PTGER3: variants seen among roughly 807,000 people sequenced by gnomAD.
PTGER3 encodes the protein prostaglandin E2 receptor EP3 subtype.
In PTGER3, 22 loss-of-function variants were observed where a neutral mutation model predicts 34.7. That is an observed-to-expected ratio of 0.63 (90% CI 0.45 to 0.91). The LOEUF (loss-of-function observed/expected upper bound fraction) is 0.91. PTGER3 is among the 40% of genes least tolerant of loss of function. The pLI is 0.00. For missense variants in PTGER3, 468 were observed against 519.4 expected, an observed-to-expected ratio of 0.90 and a Z score of 0.96; for synonymous variants, 241 against 230.1, an observed-to-expected ratio of 1.05 and a Z score of -0.43.
intron 1 of PTGER3, among the ~76,000 whole-genome samples, chr1:71,044,681 A>G (rs1660604684): frequency 6.6e-6 from 1 of 152,168 alleles, no homozygotes; most frequent in Admixed American, 6.5e-5. Flanking sequence ...TGAGGCCACC[A>G]TACTTTTGGT....
chr1:70,857,695 C>A (rs141685495), intron 4 of PTGER3, among the ~76,000 whole-genome samples: 370 of 152,110 alleles, frequency 2.4e-3, no homozygotes, highest in African/African-American at 5.4e-3. Context: ...CCACCACGCC[C>A]GGCTAATTTT....
chr1:70,966,285 A>G (rs1391876337), downstream of PTGER3, among the ~76,000 whole-genome samples: 2 of 152,178 alleles, frequency 1.3e-5, no homozygotes, highest in Non-Finnish European at 2.9e-5. Flanking sequence ...AAAACAAGTT[A>G]TTTCAGTGTA....
chr1:70,924,438 C>G (rs1157406636), intron 4 of PTGER3, among the ~76,000 whole-genome samples: 3 of 151,978 alleles, frequency 2.0e-5, no homozygotes, highest in Non-Finnish European at 4.4e-5. Context: ...TTAGGCTAAC[C>G]CTGCTTATTC....
At chr1:70,867,319 C>G (rs1646063936) in intron 4 of PTGER3, among the ~76,000 whole-genome samples, 1 of 152,194 alleles carries the variant, frequency 6.6e-6, no homozygotes, top group Admixed American at 6.5e-5. Flanking sequence ...ACTTATCACA[C>G]TATTCATATT....
intron 2 of PTGER3, among the ~76,000 whole-genome samples, chr1:71,004,476 C>A (rs1467185997): frequency 6.6e-6 from 1 of 152,156 alleles, no homozygotes; most frequent in Non-Finnish European, 1.5e-5. Context: ...TGATAAAAAT[C>A]ATCTTTCAGA....
chr1:71,034,768 G>T (rs556861210), intron 1 of PTGER3, among the ~76,000 whole-genome samples: 7 of 152,280 alleles, frequency 4.6e-5, no homozygotes, highest in Admixed American at 3.9e-4. Context: ...AAGGCATCAT[G>T]GCATGGAGGA....
chr1:70,872,100 G>A (rs1317189197), intron 4 of PTGER3, among the ~76,000 whole-genome samples: 2 of 152,160 alleles, frequency 1.3e-5, no homozygotes, highest in Non-Finnish European at 2.9e-5. Flanking sequence ...CTTTTTAAAA[G>A]CCATTGACAT....
At chr1:71,017,569 A>G (rs1020285654) in intron 1 of PTGER3, among the ~76,000 whole-genome samples, 1 of 152,132 alleles carries the variant, frequency 6.6e-6, no homozygotes, top group Admixed American at 6.6e-5. Context: ...TGACTGGATC[A>G]TGGGGGCAGA....
At chr1:70,890,105 C>A (rs941029451) in intron 4 of PTGER3, among the ~76,000 whole-genome samples, 5 of 152,194 alleles carry the variant, frequency 3.3e-5, no homozygotes, top group African/African-American at 1.2e-4. Flanking sequence ...CTTTTATACA[C>A]AGACCACTAG....
At chr1:70,858,915 G>A (rs79749642) in intron 4 of PTGER3, among the ~76,000 whole-genome samples, 4,644 of 152,284 alleles carry the variant, frequency 0.03, 238 homozygotes, top group African/African-American at 0.11. Flanking sequence ...TTTTATGGAA[G>A]TTTAAACATT....
intron 4 of PTGER3, among the ~76,000 whole-genome samples, chr1:70,874,599 C>T (rs1197731002): frequency 6.6e-6 from 1 of 152,002 alleles, no homozygotes; most frequent in African/African-American, 2.4e-5. Flanking sequence ...TCTGAATCTG[C>T]CCTTCTTTGT....
downstream of PTGER3, among the ~76,000 whole-genome samples, chr1:70,966,185 C>T (rs948212879): frequency 2.6e-5 from 4 of 152,102 alleles, no homozygotes; most frequent in Non-Finnish European, 4.4e-5. Flanking sequence ...ATTGTACAGG[C>T]TATATATCTT....
intron 2 of PTGER3, among the ~76,000 whole-genome samples, chr1:70,963,369 G>A (rs1652154159): frequency 6.6e-6 from 1 of 152,150 alleles, no homozygotes; most frequent in Non-Finnish European, 1.5e-5. Flanking sequence ...ACTCTGCATG[G>A]GGGTTCCAAC....
rs1287292604 is a variant in PTGER3, at chr1:71,034,049, A to AACATAT, written c.897+12631_897+12632insATATGT. On this transcript the variant is annotated intron_variant, in intron 1 of 3. Transcript: ENST00000306666. ...GTCTTTAAGTAAATTTAGTATTGTTATGATGTGTCTGTATCTGGATTCTTT... is the reference window on the plus strand; with the variant it reads ...GTCTTTAAGTAAATTTAGTATTGTTAACATATTGATGTGTCTGTATCTGGATTCTTT... 2.6e-5 allele frequency among the ~76,000 whole-genome samples: 4 copies of AACATAT among 152,170 alleles called. No homozygotes were observed. In the East Asian group the frequency reaches 7.7e-4, roughly 29 times the overall value.
chr1:71,026,517 G>C (rs1487867665), intron 1 of PTGER3, among the ~76,000 whole-genome samples: 1 of 152,082 alleles, frequency 6.6e-6, no homozygotes, highest in Non-Finnish European at 1.5e-5. Context: ...AAGGAAGTTT[G>C]AATAAGACAC....
chr1:70,936,185 T>C (rs1027972334), intron 4 of PTGER3, among the ~76,000 whole-genome samples: 15 of 152,174 alleles, frequency 9.9e-5, no homozygotes, highest in Admixed American at 2.6e-4. Flanking sequence ...TGTTGGGAAC[T>C]TGCTTGAGTG....
At chr1:70,975,964 G>A (rs1283964606) in intron 2 of PTGER3, among the ~76,000 whole-genome samples, 2 of 152,076 alleles carry the variant, frequency 1.3e-5, no homozygotes, top group African/African-American at 4.8e-5. Flanking sequence ...TCCTCTTCCT[G>A]CTATTATGCT....
In PTGER3 at chr1:70,971,655, C is replaced by G. The variant is rs1335303276; in HGVS notation, c.*75G>C. ...AATCCAAATTAAAATATATAATTAT[C>G]CTTCTCAGGTGGGAAGAAATATGCA... is the stretch of plus-strand genomic sequence containing the variant. On this transcript the variant is annotated 3_prime_UTR_variant, in exon 4 of 4. Transcript: ENST00000306666. 1 of 1,483,472 alleles carries G rather than the reference C, an allele frequency of 6.7e-7. No individual in the cohort carries two copies. Among genetic ancestry groups the G allele is most frequent in the Non-Finnish European group, 8.9e-7 (1 of 1,117,824 alleles). The allele number at this position is 1,483,472 out of a possible 1,614,324, so 91.9% of individuals were successfully genotyped here. A position where few individuals can be genotyped will look rare whatever the true frequency, so the allele number is the denominator to read the frequency against.
At position 70,971,064 on chromosome 1, in the gene PTGER3, C is replaced by A. The variant is rs5697; in HGVS notation, c.*666G>T. 220,949 of 984,796 alleles carry A rather than the reference C, an allele frequency of 0.22. 25,498 individuals are homozygous for A. The highest frequency in any genetic ancestry group is 0.33 in the African/African-American group (18,978 of 57,106). The allele number at this position is 984,796 out of a possible 1,614,324, so 61.0% of individuals were successfully genotyped here. A position where few individuals can be genotyped will look rare whatever the true frequency, so the allele number is the denominator to read the frequency against. On this transcript the variant is annotated 3_prime_UTR_variant, in exon 4 of 4. Coordinates refer to ENST00000306666, the MANE Select transcript of PTGER3 (RefSeq NM_198719.2). ...GCCCTTAGCTGCATCACTCCTTTGT[C>A]ATCAAAAGCTTAGAAATAACAATTA...
Sources: allele counts gnomAD v4.1 joint callset (sites outside exome capture counted in the v4.1 genomes callset), GRCh38; gene constraint gnomAD v4.1.1; transcripts MANE v1.5; gene names NCBI Gene and HGNC (gene_info 2026-07-23, HGNC 2026-07-21).